The following BMAL1 variants were observed in gnomAD, a reference collection of about 807,000 sequenced individuals.
The protein encoded by BMAL1 is basic helix-loop-helix ARNT-like protein 1.
the BMAL1 span, among the ~76,000 whole-genome samples, chr11:13,350,655 G>A: frequency 6.6e-6 from 1 of 152,090 alleles, no homozygotes; most frequent in Non-Finnish European, 1.5e-5. Flanking sequence ...AGCAAATGGT[G>A]TTAGAAAAAA....
At chr11:13,383,997 T>C in the BMAL1 span, among the ~76,000 whole-genome samples, 1 of 152,240 alleles carries the variant, frequency 6.6e-6, no homozygotes. Flanking sequence ...TACCAAAGTA[T>C]GATGTTTGTC....
the BMAL1 span, chr11:13,354,621 C>CA: frequency 1.3e-6 from 1 of 796,040 alleles, no homozygotes. Context: ...AGTTTGTAAG[C>CA]AAGAAGGAGC....
the BMAL1 span, among the ~76,000 whole-genome samples, chr11:13,294,595 G>C: frequency 6.6e-6 from 1 of 152,208 alleles, no homozygotes; most frequent in Non-Finnish European, 1.5e-5. Context: ...TAAAGATGAT[G>C]CTTTCCTTCT....
chr11:13,333,232 G>T, the BMAL1 span, among the ~76,000 whole-genome samples: 9 of 152,204 alleles, frequency 5.9e-5, no homozygotes, highest in African/African-American at 2.2e-4. Context: ...CTCCCAAAGT[G>T]CTGGGATTAC....
chr11:13,297,516 A>G, the BMAL1 span, among the ~76,000 whole-genome samples: 2 of 152,180 alleles, frequency 1.3e-5, no homozygotes, highest in African/African-American at 2.4e-5. Context: ...CGGTGCAGGG[A>G]GCAGTGCCAG....
the BMAL1 span, chr11:13,356,607 A>C: frequency 3.0e-6 from 3 of 996,236 alleles, no homozygotes; most frequent in Non-Finnish European, 4.4e-6. Context: ...ATACATCATT[A>C]ATTGATACTG....
At chr11:13,366,560 G>A in the BMAL1 span, 2 of 1,032,162 alleles carry the variant, frequency 1.9e-6, no homozygotes, top group Non-Finnish European at 1.5e-6. Context: ...GAGGTCTCAT[G>A]CACAAAAACA....
the BMAL1 span, among the ~76,000 whole-genome samples, chr11:13,285,131 T>G: frequency 6.6e-6 from 1 of 152,212 alleles, no homozygotes; most frequent in Non-Finnish European, 1.5e-5. Flanking sequence ...GTGCTCTCCC[T>G]TTTGCTCTTG....
chr11:13,288,351 C>T, the BMAL1 span, among the ~76,000 whole-genome samples: 4 of 144,086 alleles, frequency 2.8e-5, no homozygotes, highest in Non-Finnish European at 6.2e-5. Context: ...TGTTTCCCAG[C>T]AGTCTCTAGA....
At chr11:13,302,663 C>T in the BMAL1 span, among the ~76,000 whole-genome samples, 1 of 152,172 alleles carries the variant, frequency 6.6e-6, no homozygotes, top group Non-Finnish European at 1.5e-5. Context: ...TTTTCTTGAG[C>T]TTTGCTGTGA....
the BMAL1 span, chr11:13,376,509 CA>C: frequency 1.2e-6 from 1 of 858,630 alleles, no homozygotes; most frequent in African/African-American, 1.6e-5. Flanking sequence ...CCTGTTTACC[CA>C]CTCAGACAGA....
the BMAL1 span, among the ~76,000 whole-genome samples, chr11:13,381,942 A>AT: frequency 1.1e-4 from 17 of 152,290 alleles, no homozygotes; most frequent in Admixed American, 3.3e-4. Flanking sequence ...AAAGGCCATC[A>AT]TTTTGGACAC....
At chr11:13,365,436 C>A in the BMAL1 span, 1 of 1,424,674 alleles carries the variant, frequency 7.0e-7, no homozygotes, top group Non-Finnish European at 9.8e-7. Context: ...TATTTGTTAT[C>A]AGGGTGATTA....
the BMAL1 span, among the ~76,000 whole-genome samples, chr11:13,306,481 G>A: frequency 6.6e-6 from 1 of 152,262 alleles, no homozygotes; most frequent in Non-Finnish European, 1.5e-5. Context: ...AGGGGTCTAA[G>A]CGTGGCAGAG....
the BMAL1 span, among the ~76,000 whole-genome samples, chr11:13,284,365 A>G: frequency 1.3e-5 from 2 of 149,924 alleles, no homozygotes; most frequent in Admixed American, 6.7e-5. Flanking sequence ...GTGTTATATA[A>G]TGTTCAAATA....
the BMAL1 span, among the ~76,000 whole-genome samples, chr11:13,348,962 C>T: frequency 3.9e-4 from 60 of 152,298 alleles, no homozygotes; most frequent in South Asian, 1.5e-3. Context: ...CGTTTAAAAT[C>T]TAAATTTTGC....
the BMAL1 span, among the ~76,000 whole-genome samples, chr11:13,298,613 G>A: frequency 2.0e-5 from 3 of 152,208 alleles, no homozygotes; most frequent in African/African-American, 7.2e-5. Flanking sequence ...CCCAGTGCCT[G>A]GATTGGTGCC....
At chr11:13,369,111 C>T in the BMAL1 span, among the ~76,000 whole-genome samples, 1 of 152,108 alleles carries the variant, frequency 6.6e-6, no homozygotes, top group Non-Finnish European at 1.5e-5. Flanking sequence ...GATCATGCAT[C>T]CAGGGTATTC....
At chr11:13,289,896 C>G in the BMAL1 span, among the ~76,000 whole-genome samples, 1 of 152,108 alleles carries the variant, frequency 6.6e-6, no homozygotes, top group Non-Finnish European at 1.5e-5. Context: ...GGGTATATAC[C>G]CAGTAATGGG....
Sources: allele counts gnomAD v4.1 joint callset (sites outside exome capture counted in the v4.1 genomes callset), GRCh38; gene constraint gnomAD v4.1.1; transcripts MANE v1.5; gene names NCBI Gene and HGNC (gene_info 2026-07-23, HGNC 2026-07-21).